Variants in KCNQ4 observed in about 807,000 individuals in gnomAD.
The protein encoded by KCNQ4 is potassium voltage-gated channel subfamily Q member 4.
A neutral mutation model predicts 72.6 loss-of-function variants in KCNQ4; 31 were observed. That is an observed-to-expected ratio of 0.43 (90% CI 0.32 to 0.58). The LOEUF (loss-of-function observed/expected upper bound fraction) is 0.58. KCNQ4 is among the 20% of genes least tolerant of loss of function. The probability of loss-of-function intolerance (pLI) is 0.08; values close to 1 mark genes in which losing one functional copy is unlikely to be tolerated. For synonymous variants in KCNQ4, 405 were observed against 403.7 expected (o/e 1.00, Z -0.04); for missense variants, 869 against 962.6 (o/e 0.90, Z 1.29).
At position 40,838,550 on chromosome 1, in the gene KCNQ4, A is replaced by C; in HGVS notation, c.*27A>C. Reference sequence around the variant, plus strand: ...GGACTTCTCAGAGGCAGGGCAGCACACGGCCAGCCCCGCGGCCTGGCGCTC... The same window carrying C: ...GGACTTCTCAGAGGCAGGGCAGCACCCGGCCAGCCCCGCGGCCTGGCGCTC... On this transcript the variant is annotated 3_prime_UTR_variant, in exon 14 of 14. Coordinates refer to ENST00000347132, the MANE Select transcript of KCNQ4 (RefSeq NM_004700.4). The C allele has an allele frequency of 6.2e-7, 1 of 1,606,576 alleles. No homozygotes were observed. Among genetic ancestry groups the C allele is most frequent in the Non-Finnish European group, 8.5e-7 (1 of 1,173,262 alleles).
In KCNQ4 at chr1:40,788,121, C is replaced by T. The variant is rs974155483; in HGVS notation, c.314+3714C>T. ...CCCCCGAGCCCCCGACCTCCCACCC[C>T]GGCCATCTGAGAAAGAACATCGCCT... On this transcript the variant is annotated intron_variant, in intron 1 of 13. Coordinates refer to ENST00000347132, the MANE Select transcript of KCNQ4 (RefSeq NM_004700.4). This position sits in a 1 kb window ranked among gnomAD's most constrained non-coding sequence, Gnocchi z 4.5. Among the ~76,000 whole-genome samples the T allele has an allele frequency of 1.3e-5, 2 of 152,306 alleles. No individual in the cohort carries two copies. Among genetic ancestry groups the T allele is most frequent in the East Asian group, 1.9e-4 (1 of 5,178 alleles).
rs753284234 is a variant in KCNQ4, at chr1:40,784,291, C to A, written c.198C>A (p.Gly66=). 1 of 1,582,878 alleles carries A rather than the reference C, an allele frequency of 6.3e-7. No homozygotes were observed. Among genetic ancestry groups the A allele is most frequent in the Non-Finnish European group, 8.6e-7 (1 of 1,169,380 alleles). Residue 66 remains glycine (G), a synonymous_variant, in exon 1 of 14, where the codon GGC becomes GGA. Coordinates refer to ENST00000347132, the MANE Select transcript of KCNQ4 (RefSeq NM_004700.4). The surrounding 1 kb of genome is among the most constrained non-coding windows in gnomAD (Gnocchi z 4.1). ...TCCCTGGGCCGGGCTCCGGCTCGGG[C>A]TCCGCCTGCGGCCAGCGCTCCTCGG... ...APLPGPGSGS[G]SACGQRSSAA... is the part of the protein sequence containing the mutation.
intron 1 of KCNQ4, among the ~76,000 whole-genome samples, chr1:40,815,842 C>G (rs1648070122): frequency 6.6e-6 from 1 of 152,138 alleles, no homozygotes; most frequent in African/African-American, 2.4e-5. Flanking sequence ...AGGTGACAGT[C>G]TCAAAACCAC....
At chr1:40,786,445 T>C (rs1647203772) in intron 1 of KCNQ4, among the ~76,000 whole-genome samples, 1 of 152,160 alleles carries the variant, frequency 6.6e-6, no homozygotes. Context: ...CCTTTCCTGA[T>C]GCCAGGAAAT....
chr1:40,788,831 C>T lies in KCNQ4; in HGVS notation c.314+4424C>T, dbSNP rs115531662. Reference sequence around the variant, plus strand: ...GCAGCCACGTTTTAGTTGTAGACCACGTCACTGCTGCGTACCTGTCTGAAT... The same window carrying T: ...GCAGCCACGTTTTAGTTGTAGACCATGTCACTGCTGCGTACCTGTCTGAAT... On this transcript the variant is annotated intron_variant, in intron 1 of 13. Transcript: ENST00000347132. The surrounding 1 kb of genome is among the most constrained non-coding windows in gnomAD (Gnocchi z 4.5). Among the ~76,000 whole-genome samples, 1,470 of 152,320 alleles carry T rather than the reference C, an allele frequency of 9.7e-3. 23 individuals carry two copies. The highest frequency in any genetic ancestry group is 0.032 in the African/African-American group (1,322 of 41,560).
chr1:40,831,301 G>A lies in KCNQ4; in HGVS notation c.1510G>A (p.Glu504Lys). The A allele has an allele frequency of 6.3e-7, 1 of 1,594,240 alleles. No individual in the cohort carries two copies. The highest frequency in any genetic ancestry group is 8.5e-7 in the Non-Finnish European group (1 of 1,170,512). Reference sequence around the variant, plus strand: ...GAGACTCAAACCCCGCACCTCTGCTGAGGGTAAGCCCCCGGGGGGCTGAGT... The same window carrying A: ...GAGACTCAAACCCCGCACCTCTGCTAAGGGTAAGCCCCCGGGGGGCTGAGT... Reference protein sequence around the residue: ...SLRLKPRTSAEDAPSEEVAEE... With the variant: ...SLRLKPRTSAKDAPSEEVAEE... Residue 504 changes from glutamate (E) to lysine (K), a missense_variant, in exon 10 of 14, where the codon GAG becomes AAG. Physicochemically the swap from Glu to Lys is moderately conservative, Grantham distance 56. Around this residue, in one of 5 missense-constraint regions of KCNQ4, gnomAD observed 480 missense variants for 501.9 expected, o/e 0.96. Coordinates refer to ENST00000347132, the MANE Select transcript of KCNQ4 (RefSeq NM_004700.4).
intron 1 of KCNQ4, among the ~76,000 whole-genome samples, chr1:40,792,386 G>A (rs1232799626): frequency 6.6e-6 from 1 of 152,198 alleles, no homozygotes; most frequent in African/African-American, 2.4e-5. Flanking sequence ...CCAGCAGGAA[G>A]GGACTAGGCC....
At chr1:40,828,560 T>C (rs75576650) in intron 9 of KCNQ4, among the ~76,000 whole-genome samples, 1,716 of 152,318 alleles carry the variant, frequency 0.011, 38 homozygotes, top group African/African-American at 0.039. Context: ...TGGGTTCCAG[T>C]TCTTGCTCCA....
intron 2 of KCNQ4, 84 bp from the exon 3 acceptor site, chr1:40,818,080 A>G: frequency 6.3e-7 from 1 of 1,590,670 alleles, no homozygotes; most frequent in Non-Finnish European, 8.6e-7. Flanking sequence ...CCCCTAACCC[A>G]GGGACTCTTG....
intron 1 of KCNQ4, among the ~76,000 whole-genome samples, chr1:40,811,935 G>C (rs1204492157): frequency 6.6e-6 from 1 of 152,256 alleles, no homozygotes; most frequent in Non-Finnish European, 1.5e-5. Flanking sequence ...GAGGGGGCCA[G>C]AGAGAATCCT....
In KCNQ4 at chr1:40,822,317, G is replaced by A; in HGVS notation, c.1045G>A (p.Ala349Thr). ...CCCACGTCCCCCATACCACCAGGCTGCCTGGCGCCTGTACTCCACCGATAT... is the reference window on the plus strand; with the variant it reads ...CCCACGTCCCCCATACCACCAGGCTACCTGGCGCCTGTACTCCACCGATAT... ...RMPAANLIQA[A>T]WRLYSTDMSR... Residue 349 changes from alanine (A) to threonine (T), a missense_variant, in exon 8 of 14, where the codon GCC (alanine) becomes ACC (threonine). Transcript: ENST00000347132. The A allele has an allele frequency of 6.2e-7, 1 of 1,613,648 alleles. No homozygotes were observed.
At chr1:40,813,713 A>G (rs1460641866) in intron 1 of KCNQ4, among the ~76,000 whole-genome samples, 1 of 152,054 alleles carries the variant, frequency 6.6e-6, no homozygotes, top group Non-Finnish European at 1.5e-5. Flanking sequence ...GGGGTGGGGC[A>G]GGATCCAAAG....
chr1:40,818,802 G>T, intron 4 of KCNQ4, 122 bp downstream of exon 4: 2 of 1,133,052 alleles, frequency 1.8e-6, no homozygotes, highest in Non-Finnish European at 2.6e-6. Flanking sequence ...TGTGGCCTGC[G>T]GGGGTTGGAG....
intron 1 of KCNQ4, among the ~76,000 whole-genome samples, chr1:40,816,521 G>A (rs1055675609): frequency 6.6e-6 from 1 of 152,162 alleles, no homozygotes; most frequent in Non-Finnish European, 1.5e-5. Flanking sequence ...TCCTCGTGGT[G>A]CACTGGGGGA....
intron 7 of KCNQ4, among the ~76,000 whole-genome samples, chr1:40,820,987 G>T (rs1051059797): frequency 9.9e-5 from 15 of 152,148 alleles, no homozygotes; most frequent in African/African-American, 3.4e-4. Context: ...CTGCTCCCTA[G>T]CCTGTCACCC....
At chr1:40,792,402 A>AC (rs1647300338) in intron 1 of KCNQ4, among the ~76,000 whole-genome samples, 1 of 151,876 alleles carries the variant, frequency 6.6e-6, no homozygotes, top group South Asian at 2.1e-4. Flanking sequence ...AGGCCTTTCT[A>AC]CCCCCATCCT....
Position 40,838,425 on chromosome 1 carries a change from A to G in KCNQ4, c.1990A>G (p.Ile664Val), listed in dbSNP as rs1263179330. The change falls in exon 14 of 14, where the codon ATC becomes GTC. Residue 664 changes from isoleucine to valine, a missense_variant. By Grantham distance (29) the Ile-to-Val change is conservative (BLOSUM62 3). Coordinates refer to ENST00000347132, the MANE Select transcript of KCNQ4 (RefSeq NM_004700.4). Reference protein sequence around the residue: ...AVQVPLFDPDITSDYHSPVDH... With the variant: ...AVQVPLFDPDVTSDYHSPVDH... The stretch of plus-strand genomic sequence containing the variant: ...GCAAGTGCCGCTGTTCGACCCCGAC[A>G]TCACCTCCGACTACCACAGCCCTGT... 3 of 1,613,986 alleles carry G rather than the reference A, an allele frequency of 1.9e-6. No homozygotes were observed. Among genetic ancestry groups the G allele is most frequent in the African/African-American group, 2.7e-5 (2 of 74,926 alleles).
chr1:40,809,124 G>A (rs1050902837), intron 1 of KCNQ4, among the ~76,000 whole-genome samples: 1 of 152,124 alleles, frequency 6.6e-6, no homozygotes, highest in African/African-American at 2.4e-5. Flanking sequence ...GTCTACTCCC[G>A]CTTTGAAACA....
intron 8 of KCNQ4, among the ~76,000 whole-genome samples, 173 bp from the exon 9 acceptor site, chr1:40,823,924 G>A (rs182487685): frequency 3.3e-5 from 5 of 152,244 alleles, no homozygotes; most frequent in Admixed American, 6.5e-5. Flanking sequence ...TAGAAAGGGA[G>A]TGGGGAAGGC....
Sources: gnomAD v4.1 joint callset for allele counts (sites outside exome capture counted in the v4.1 genomes callset) on GRCh38, gnomAD v4.1.1 for gene constraint, gnomAD v4.1.1 regional missense constraint, Gnocchi (gnomAD v3.1) non-coding constraint, MANE v1.5 for transcripts, NCBI Gene and HGNC (gene_info 2026-07-23, HGNC 2026-07-21) for gene names.